The following IFFO2 variants were observed in gnomAD, a reference collection of about 807,000 sequenced individuals.
The protein encoded by IFFO2 is intermediate filament family orphan 2.
Under a neutral mutation model 53.5 loss-of-function variants are expected in IFFO2, and 19 were observed. The observed-to-expected ratio is 0.36, with a 90% confidence interval of 0.25 to 0.52. The LOEUF (loss-of-function observed/expected upper bound fraction) is 0.52, where lower values mean the gene tolerates loss of function less well. Among genes scored for constraint, IFFO2 ranks in the 20% least tolerant of loss-of-function variants. The probability of loss-of-function intolerance (pLI) is 0.94; values close to 1 mark genes in which losing one functional copy is unlikely to be tolerated. For synonymous variants in IFFO2, 303 were observed against 313.6 expected, an observed-to-expected ratio of 0.97 and a Z score of 0.36; for missense variants, 570 against 727.4, an observed-to-expected ratio of 0.78 and a Z score of 2.49.
chr1:18,923,113 C>A (rs563567163), intron 1 of IFFO2, among the ~76,000 whole-genome samples: 1 of 152,362 alleles, frequency 6.6e-6, no homozygotes, highest in African/African-American at 2.4e-5. Context: ...CCCCGGCAAG[C>A]CTCTGGCTGC....
At chr1:18,933,946 C>A (rs1400799514) in intron 1 of IFFO2, among the ~76,000 whole-genome samples, 1 of 151,858 alleles carries the variant, frequency 6.6e-6, no homozygotes, top group Non-Finnish European at 1.5e-5. Flanking sequence ...CCCGCAGCCC[C>A]TGGCAACCAC....
intron 1 of IFFO2, among the ~76,000 whole-genome samples, chr1:18,950,248 A>G (rs1569868460): frequency 6.6e-6 from 1 of 152,210 alleles, no homozygotes; most frequent in Admixed American, 6.5e-5. Context: ...TGGCGCCTCC[A>G]TGGGACAGAG....
chr1:18,909,934 A>G (rs1480756777), intron 8 of IFFO2, among the ~76,000 whole-genome samples: 2 of 152,122 alleles, frequency 1.3e-5, no homozygotes, highest in African/African-American at 4.8e-5. Flanking sequence ...GAACAGACTA[A>G]CAGATGGGAA....
chr1:18,935,864 A>ATTTTTTT (rs757253270), intron 1 of IFFO2, among the ~76,000 whole-genome samples: 284 of 95,426 alleles, frequency 3.0e-3, no homozygotes, highest in African/African-American at 4.1e-3. Flanking sequence ...TAATTTTTCT[A>ATTTTTTT]TTTTTTTTTT....
Position 18,916,846 on chromosome 1 carries a change from G to A in IFFO2, c.1103+57C>T, listed in dbSNP as rs1382332526. On this transcript the variant is annotated intron_variant, in intron 5 of 8. Coordinates refer to ENST00000455833, the MANE Select transcript of IFFO2 (RefSeq NM_001136265.2). This position sits in a 1 kb window ranked among gnomAD's most constrained non-coding sequence, Gnocchi z 4.3. ...TCTCAGCCCAAGCCTCCCATTCACC[G>A]CCCCTGTGCAAGCAATCCGGGGAAA... The A allele has an allele frequency of 1.8e-5, 27 of 1,535,934 alleles. 1 individual carries two copies. Among genetic ancestry groups the A allele is most frequent in the South Asian group, 1.4e-4 (12 of 82,942 alleles).
chr1:18,933,598 T>A (rs1183835838), intron 1 of IFFO2, among the ~76,000 whole-genome samples: 1 of 152,036 alleles, frequency 6.6e-6, no homozygotes, highest in East Asian at 1.9e-4. Context: ...AAACCCCATC[T>A]CTACAAAAAA....
chr1:18,926,106 G>C (rs1416443927), intron 1 of IFFO2, among the ~76,000 whole-genome samples: 1 of 72,574 alleles, frequency 1.4e-5, no homozygotes, highest in Non-Finnish European at 2.9e-5. Flanking sequence ...GGATGGATTG[G>C]TTGGATGGAT....
chr1:18,941,047 T>C (rs1936514465), intron 1 of IFFO2, among the ~76,000 whole-genome samples: 1 of 152,222 alleles, frequency 6.6e-6, no homozygotes, highest in Non-Finnish European at 1.5e-5. Context: ...ATGCCCACTC[T>C]GCCACTCTCT....
intron 5 of IFFO2, among the ~76,000 whole-genome samples, chr1:18,912,719 A>T (rs1421634228): frequency 6.6e-6 from 1 of 152,176 alleles, no homozygotes. Context: ...CAATCCTATG[A>T]GGTAAGCATA....
intron 1 of IFFO2, among the ~76,000 whole-genome samples, chr1:18,948,309 A>G (rs1024613326): frequency 6.6e-6 from 1 of 152,238 alleles, no homozygotes; most frequent in African/African-American, 2.4e-5. Flanking sequence ...GCAAGAGATT[A>G]AATGGCATGC....
Position 18,917,032 on chromosome 1 carries a change from T to C in IFFO2, c.974A>G (p.Lys325Arg), listed in dbSNP as rs1221595183. The C allele has an allele frequency of 3.2e-5, 50 of 1,552,132 alleles. No individual in the cohort carries two copies. The highest frequency in any genetic ancestry group is 1.8e-4 in the Admixed American group (9 of 50,988). ...DVSKIFQVVP[K>R]KKERKVASDD... ...GGAAGCCACCTTACGCTCTTTCTTT[T>C]TGGGGACCACCTGAACCGGAAAGGA... The change falls in exon 5 of 9, where the codon AAA becomes AGA. Residue 325 changes from lysine to arginine, a missense_variant. Transcript: ENST00000455833. This position sits in a 1 kb window ranked among gnomAD's most constrained non-coding sequence, Gnocchi z 5.9.
chr1:18,911,865 G>A lies in IFFO2; in HGVS notation c.1224+98C>T, dbSNP rs1322417183. 2.4e-5 allele frequency: 34 copies of A among 1,428,758 alleles called. No homozygotes were observed. The East Asian group carries it at 6.5e-4, about 27-fold the overall frequency. 88.5% of individuals were successfully genotyped at this position (1,428,758 alleles called of 1,614,324 possible). Reference sequence around the variant, plus strand: ...AAAGGGGACAGTTTAGCTGTGTGGTGGGGGCTGTAGAAAAATAACAGGGAT... The same window carrying A: ...AAAGGGGACAGTTTAGCTGTGTGGTAGGGGCTGTAGAAAAATAACAGGGAT... On this transcript the variant is annotated intron_variant, in intron 6 of 8. Transcript: ENST00000455833.
intron 1 of IFFO2, among the ~76,000 whole-genome samples, chr1:18,951,738 G>A (rs1028302419): frequency 1.3e-5 from 2 of 152,224 alleles, no homozygotes; most frequent in African/African-American, 4.8e-5. Context: ...CAGGGGAAAC[G>A]GTTGAACCGG....
At chr1:18,930,079 A>G (rs148001916) in intron 1 of IFFO2, among the ~76,000 whole-genome samples, 42 of 152,352 alleles carry the variant, frequency 2.8e-4, no homozygotes, top group African/African-American at 9.9e-4. Context: ...ATCAAATCCC[A>G]GCTATCCATC....
chr1:18,954,049 C>T (rs541496813), intron 1 of IFFO2, among the ~76,000 whole-genome samples: 228 of 152,306 alleles, frequency 1.5e-3, no homozygotes, highest in Middle Eastern at 6.8e-3. Context: ...CCATGAGGGG[C>T]GGCGAGGTGG....
Position 18,911,471 on chromosome 1 carries a change from C to T in IFFO2, c.1230G>A (p.Glu410=). The T allele has an allele frequency of 6.7e-7, 1 of 1,496,908 alleles. No individual in the cohort carries two copies. Among genetic ancestry groups the T allele is most frequent in the Non-Finnish European group, 8.9e-7 (1 of 1,119,580 alleles). The allele number at this position is 1,496,908 out of a possible 1,614,324, so 92.7% of individuals were successfully genotyped here. A position where few individuals can be genotyped will look rare whatever the true frequency, so the allele number is the denominator to read the frequency against. ...NPTIDLQGEQ[E]ENLGNLIHET... ...CATGGATCAAGTTGCCCAAGTTTTC[C>T]TCTTGCTGGGGAAATAGAACAAACG... Residue 410 remains glutamate, a synonymous_variant, in exon 7 of 9, where the codon GAG becomes GAA. Transcript: ENST00000455833.
chr1:18,915,072 C>T (rs189499442), intron 5 of IFFO2, among the ~76,000 whole-genome samples: 1 of 152,154 alleles, frequency 6.6e-6, no homozygotes, highest in African/African-American at 2.4e-5. Context: ...TAAAAGTCAG[C>T]CTAGAATAGG....
chr1:18,941,293 C>T (rs1936517230), intron 1 of IFFO2, among the ~76,000 whole-genome samples: 1 of 152,250 alleles, frequency 6.6e-6, no homozygotes, highest in Non-Finnish European at 1.5e-5. Flanking sequence ...GCCAAGCCTC[C>T]CAAGGCTTCT....
intron 8 of IFFO2, among the ~76,000 whole-genome samples, chr1:18,909,016 C>T (rs764877959): frequency 2.0e-5 from 3 of 151,446 alleles, no homozygotes; most frequent in South Asian, 2.1e-4. Context: ...GGAGGCCATG[C>T]GGGATATGGT....
Sources: allele counts gnomAD v4.1 joint callset (sites outside exome capture counted in the v4.1 genomes callset), GRCh38; gene constraint gnomAD v4.1.1; non-coding constraint Gnocchi (gnomAD v3.1); transcripts MANE v1.5; gene names NCBI Gene and HGNC (gene_info 2026-07-23, HGNC 2026-07-21).